MAD1L1: variants seen among roughly 807,000 people sequenced by gnomAD.
MAD1L1 encodes the protein mitotic arrest deficient 1 like 1, also known as mitotic spindle assembly checkpoint protein MAD1.
MAD1L1 carries 95 observed loss-of-function variants against 96.9 expected under a neutral mutation model. That is an observed-to-expected ratio of 0.98 (90% CI 0.83 to 1.16). MAD1L1 has a LOEUF of 1.16. Among genes scored for constraint, MAD1L1 ranks in the 50% most tolerant of loss-of-function variants. The pLI is 0.00. For synonymous variants in MAD1L1, 473 were observed against 396.6 expected (o/e 1.19, Z -2.29); for missense variants, 1,007 against 954.4 (o/e 1.06, Z -0.73).
At chr7:2,066,392 G>A (rs1333636071) in intron 12 of MAD1L1, among the ~76,000 whole-genome samples, 1 of 152,232 alleles carries the variant, frequency 6.6e-6, no homozygotes, top group Non-Finnish European at 1.5e-5. Context: ...CGGCTGGCTG[G>A]ACGGATCCTG....
rs575829345 is a variant in MAD1L1, at chr7:2,064,700, C to A, written c.1218+4494G>T. Among the ~76,000 whole-genome samples, 130 of 151,044 alleles carry A rather than the reference C, an allele frequency of 8.6e-4. 1 individual carries two copies. The highest frequency in any genetic ancestry group is 3.0e-3 in the African/African-American group (122 of 41,074). On this transcript the variant is annotated intron_variant, in intron 12 of 18. Coordinates refer to ENST00000265854, the MANE Select transcript of MAD1L1 (RefSeq NM_001013836.2). ...CTCCCAGGAATATGGCAGCTTCTCC[C>A]AGGAGGACAGCGGCTTCTCCCAGAG...
chr7:1,840,077 C>T lies in MAD1L1; in HGVS notation c.1999-23849G>A, dbSNP rs1001747025. On this transcript the variant is annotated intron_variant, in intron 18 of 18. Transcript: ENST00000265854. ...GAGGGCCAGACGAGTGAGCCACACC[C>T]CACCCTTTCCTCAACCATCCCCCAT... is the stretch of plus-strand genomic sequence containing the variant. Among the ~76,000 whole-genome samples, 6 of 152,338 alleles carry T rather than the reference C, an allele frequency of 3.9e-5. No homozygotes were observed. In the East Asian group the frequency reaches 1.2e-3, roughly 29 times the overall value.
chr7:2,011,199 C>T (rs896957771), intron 13 of MAD1L1, among the ~76,000 whole-genome samples: 4 of 152,016 alleles, frequency 2.6e-5, no homozygotes, highest in Admixed American at 1.3e-4. Context: ...CAGAGACACG[C>T]GGCATGTGCA....
chr7:2,043,343 C>T (rs1783776586), intron 12 of MAD1L1, among the ~76,000 whole-genome samples: 1 of 152,258 alleles, frequency 6.6e-6, no homozygotes, highest in Non-Finnish European at 1.5e-5. Context: ...CACCCCTCAT[C>T]CTCGGTGTCA....
chr7:2,096,937 C>T lies in MAD1L1; in HGVS notation c.1074-27599G>A, dbSNP rs560249884. Among the ~76,000 whole-genome samples the T allele has an allele frequency of 1.9e-3, 291 of 152,292 alleles. 2 individuals carry two copies. The highest frequency in any genetic ancestry group is 6.5e-3 in the African/African-American group (271 of 41,560). On this transcript the variant is annotated intron_variant, in intron 11 of 18. Coordinates refer to ENST00000265854, the MANE Select transcript of MAD1L1 (RefSeq NM_001013836.2). ...CACTGTACCTCCAGGCTGCCACCCA[C>T]AGGCGGGCACCCTCCAGGACTGCCA... is the stretch of plus-strand genomic sequence containing the variant.
intron 18 of MAD1L1, among the ~76,000 whole-genome samples, chr7:1,839,335 C>T (rs912716300): frequency 1.8e-5 from 1 of 55,268 alleles, no homozygotes; most frequent in African/African-American, 7.4e-5. Context: ...GGCAGGAAAG[C>T]GTCCTGCCCC....
rs554528498 is a variant in MAD1L1, at chr7:2,168,124, A to C, written c.987-18886T>G. On this transcript the variant is annotated intron_variant, in intron 10 of 18. Transcript: ENST00000265854. ...ACATGGCGAAACCCCATCTCTACTA[A>C]AAATACAAAAATTAGCCAGGCGTGG... 1.9e-3 allele frequency among the ~76,000 whole-genome samples: 284 copies of C among 152,224 alleles called. 1 individual carries two copies. The highest frequency in any genetic ancestry group is 2.5e-3 in the Non-Finnish European group (167 of 68,006).
At chr7:2,152,457 A>G (rs1618820) in intron 10 of MAD1L1, among the ~76,000 whole-genome samples, 5,505 of 152,282 alleles carry the variant, frequency 0.036, 355 homozygotes, top group African/African-American at 0.13. Flanking sequence ...ACCAAGCCTC[A>G]CGAGCCCTGT....
rs531692162 is a variant in MAD1L1 at position 1,952,574 on chromosome 7, G to A, written c.1596+5055C>T. ...TGTGCCCTGGCTTAGAGCAGCGCCT[G>A]GCACAGAGGTGCGTGAAGGTGGCTC... On this transcript the variant is annotated intron_variant, in intron 16 of 18. Coordinates refer to ENST00000265854, the MANE Select transcript of MAD1L1 (RefSeq NM_001013836.2). 7.4e-4 allele frequency among the ~76,000 whole-genome samples: 27 copies of A among 36,320 alleles called. No homozygotes were observed. In the East Asian group the frequency reaches 0.027, roughly 36 times the overall value. 23.8% of individuals were successfully genotyped at this position (36,320 alleles called of 152,430 possible).
At chr7:1,990,408 G>T (rs895348370) in intron 14 of MAD1L1, among the ~76,000 whole-genome samples, 1 of 152,194 alleles carries the variant, frequency 6.6e-6, no homozygotes, top group Non-Finnish European at 1.5e-5. Flanking sequence ...AGGAGGCCTC[G>T]GGGGGATCTT....
Position 2,142,232 on chromosome 7 carries a change from A to C in MAD1L1, c.1073+6920T>G, listed in dbSNP as rs561365276. Among the ~76,000 whole-genome samples, 1 of 152,338 alleles carries C rather than the reference A, an allele frequency of 6.6e-6. No homozygotes were observed. The highest frequency in any genetic ancestry group is 6.5e-5 in the Admixed American group (1 of 15,304). On this transcript the variant is annotated intron_variant, in intron 11 of 18. Transcript: ENST00000265854. This position sits in a 1 kb window ranked among gnomAD's most constrained non-coding sequence, Gnocchi z 4.7. ...AACTAACCCGAGCAGCCTTCGCCAA[A>C]GAACAAGGCAGGCACGTGCCAGCAT...
Position 1,898,307 on chromosome 7 carries a change from T to C in MAD1L1, c.1891A>G (p.Lys631Glu), listed in dbSNP as rs770694687. Residue 631 changes from lysine (K) to glutamate (E), a missense_variant, in exon 18 of 19, where the codon AAG becomes GAG. Coordinates refer to ENST00000265854, the MANE Select transcript of MAD1L1 (RefSeq NM_001013836.2). ...VFQTKIQEFR[K>E]ACYTLTGYQI... Reference sequence around the variant, plus strand: ...TAGCCGGTGAGCGTGTAGCAGGCCTTGCGGAACTCCTGGATCTTGGTCTGG... The same window carrying C: ...TAGCCGGTGAGCGTGTAGCAGGCCTCGCGGAACTCCTGGATCTTGGTCTGG... The C allele has an allele frequency of 6.2e-7, 1 of 1,614,068 alleles. No individual in the cohort carries two copies. Among genetic ancestry groups the C allele is most frequent in the Non-Finnish European group, 8.5e-7 (1 of 1,180,014 alleles).
intron 17 of MAD1L1, among the ~76,000 whole-genome samples, chr7:1,933,698 T>C (rs1789612888): frequency 1.3e-5 from 2 of 152,228 alleles, no homozygotes; most frequent in African/African-American, 4.8e-5. Context: ...TAAGTATCAC[T>C]GCTCCAAGAA....
rs567027250 is a variant in MAD1L1 at position 2,048,759 on chromosome 7, C to A, written c.1218+20435G>T. On this transcript the variant is annotated intron_variant, in intron 12 of 18. Coordinates refer to ENST00000265854, the MANE Select transcript of MAD1L1 (RefSeq NM_001013836.2). ...TGGGAGCCTCCCGAGCCTGGCTGAGCCCCCTGTGCCACACCCCTCCAGCTT... is the reference window on the plus strand; with the variant it reads ...TGGGAGCCTCCCGAGCCTGGCTGAGACCCCTGTGCCACACCCCTCCAGCTT... Among the ~76,000 whole-genome samples the A allele has an allele frequency of 8.5e-5, 13 of 152,334 alleles. No homozygotes were observed. The East Asian group carries it at 1.4e-3, about 16-fold the overall frequency.
intron 11 of MAD1L1, among the ~76,000 whole-genome samples, chr7:2,098,767 C>A (rs1786630021): frequency 6.6e-6 from 1 of 152,222 alleles, no homozygotes; most frequent in Non-Finnish European, 1.5e-5. Flanking sequence ...AAGATCTACA[C>A]ACCACAGGGC....
intron 10 of MAD1L1, among the ~76,000 whole-genome samples, chr7:2,196,770 C>A (rs542283748): frequency 1.3e-5 from 2 of 152,248 alleles, no homozygotes; most frequent in Admixed American, 1.3e-4. Context: ...CAGAAGGCCT[C>A]GGGCTCCCTG....
intron 11 of MAD1L1, among the ~76,000 whole-genome samples, chr7:2,116,049 C>T (rs879558752): frequency 6.6e-6 from 1 of 152,212 alleles, no homozygotes; most frequent in Non-Finnish European, 1.5e-5. Context: ...CTCCCTAACC[C>T]GAATATCCCT....
chr7:2,005,976 C>T (rs73672006), intron 13 of MAD1L1, among the ~76,000 whole-genome samples: 6,514 of 152,010 alleles, frequency 0.043, 230 homozygotes, highest in African/African-American at 0.088. Context: ...GCAGAGGGGC[C>T]GGAATTCCAG....
intron 11 of MAD1L1, among the ~76,000 whole-genome samples, chr7:2,091,568 G>T (rs1211093585): frequency 6.6e-6 from 1 of 152,212 alleles, no homozygotes; most frequent in East Asian, 1.9e-4. Flanking sequence ...AAGGTCAGGA[G>T]ATCGAGACCA....
Sources: allele counts gnomAD v4.1 joint callset (sites outside exome capture counted in the v4.1 genomes callset), GRCh38; gene constraint gnomAD v4.1.1; non-coding constraint Gnocchi (gnomAD v3.1); transcripts MANE v1.5; gene names NCBI Gene and HGNC (gene_info 2026-07-23, HGNC 2026-07-21).